The following DLEU7 variants were observed in gnomAD, a reference collection of about 807,000 sequenced individuals.
The protein encoded by DLEU7 is deleted in lymphocytic leukemia 7, also known as leukemia-associated protein 7.
A neutral mutation model predicts 16.0 loss-of-function variants in DLEU7; 17 were observed. The observed-to-expected ratio is 1.06, with a 90% CI of 0.73 to 1.59. The LOEUF (loss-of-function observed/expected upper bound fraction) is 1.59, where lower values mean the gene tolerates loss of function less well. Among genes scored for constraint, DLEU7 ranks in the 40% most tolerant of loss-of-function variants. The probability of loss-of-function intolerance (pLI) is 0.00; values close to 1 mark genes in which losing one functional copy is unlikely to be tolerated. For synonymous variants in DLEU7, 113 were observed against 139.8 expected, an observed-to-expected ratio of 0.81 and a Z score of 1.35; for missense variants, 308 against 314.9, an observed-to-expected ratio of 0.98 and a Z score of 0.17.
intron 1 of DLEU7, among the ~76,000 whole-genome samples, chr13:50,783,237 C>G (rs1875704193): frequency 6.6e-6 from 1 of 152,210 alleles, no homozygotes; most frequent in Admixed American, 6.5e-5. Flanking sequence ...TTTCTCCCTT[C>G]CCTATCTCAC....
exon 2 of DLEU7, chr13:50,713,033 T>A (rs1873340454): frequency 1.6e-6 from 1 of 614,308 alleles, no homozygotes; most frequent in African/African-American, 1.9e-5. Flanking sequence ...TCGGAGGTAA[T>A]AAGAAGTCAG....
At chr13:50,775,769 C>T (rs555739496) in intron 1 of DLEU7, among the ~76,000 whole-genome samples, 30 of 152,278 alleles carry the variant, frequency 2.0e-4, no homozygotes, top group East Asian at 5.8e-4. Flanking sequence ...TGTTTATCTC[C>T]GAATTGTTTG....
chr13:50,749,325 T>C (rs1425568569), intron 1 of DLEU7, among the ~76,000 whole-genome samples: 1 of 152,146 alleles, frequency 6.6e-6, no homozygotes, highest in African/African-American at 2.4e-5. Flanking sequence ...AGTTTCTTTA[T>C]CCACTCTTTG....
chr13:50,749,389 T>C (rs1311902612), intron 1 of DLEU7, among the ~76,000 whole-genome samples: 1 of 152,228 alleles, frequency 6.6e-6, no homozygotes, highest in Non-Finnish European at 1.5e-5. Flanking sequence ...ATTGTGTTGC[T>C]ATAAACATGC....
At chr13:50,811,895 C>T (rs1411744342) in intron 1 of DLEU7, among the ~76,000 whole-genome samples, 1 of 151,676 alleles carries the variant, frequency 6.6e-6, no homozygotes, top group Non-Finnish European at 1.5e-5. Context: ...ATGGCGAAAC[C>T]CCATCTCTAC....
intron 1 of DLEU7, among the ~76,000 whole-genome samples, chr13:50,836,359 A>G (rs879928932): frequency 4.3e-5 from 6 of 138,416 alleles, no homozygotes; most frequent in Middle Eastern, 7.3e-3. Flanking sequence ...AGAGGAGGAG[A>G]AGAAGAAAGA....
At chr13:50,800,565 G>A (rs1876220616) in intron 1 of DLEU7, among the ~76,000 whole-genome samples, 1 of 152,018 alleles carries the variant, frequency 6.6e-6, no homozygotes, top group South Asian at 2.1e-4. Context: ...CTTTGAGGAA[G>A]AACATAAGCA....
chr13:50,840,085 A>G (rs1049287584), intron 1 of DLEU7: 8 of 152,128 alleles, frequency 5.3e-5, no homozygotes, highest in African/African-American at 1.7e-4. Flanking sequence ...TCTTCCTCCT[A>G]CCTTCCGTGG....
chr13:50,755,760 G>T (rs1226951714), intron 1 of DLEU7, among the ~76,000 whole-genome samples: 1 of 151,852 alleles, frequency 6.6e-6, no homozygotes, highest in East Asian at 1.9e-4. Flanking sequence ...TTTGAGGGGG[G>T]GGGCACGGTA....
At chr13:50,779,220 G>A (rs1350799575) in intron 1 of DLEU7, among the ~76,000 whole-genome samples, 1 of 152,044 alleles carries the variant, frequency 6.6e-6, no homozygotes, top group African/African-American at 2.4e-5. Context: ...ATTAAGATTC[G>A]GAATCTCCCC....
At chr13:50,758,200 C>T (rs1403241820) in intron 1 of DLEU7, among the ~76,000 whole-genome samples, 1 of 151,822 alleles carries the variant, frequency 6.6e-6, no homozygotes, top group Admixed American at 6.6e-5. Flanking sequence ...TTGGAGCAAG[C>T]AACATGTTTA....
At chr13:50,835,849 T>C (rs1254624484) in intron 1 of DLEU7, among the ~76,000 whole-genome samples, 1 of 152,234 alleles carries the variant, frequency 6.6e-6, no homozygotes, top group East Asian at 1.9e-4. Flanking sequence ...AAGTTAAGCC[T>C]GTTTTTAAAG....
chr13:50,736,560 C>A (rs918957440), intron 1 of DLEU7, among the ~76,000 whole-genome samples: 2 of 151,294 alleles, frequency 1.3e-5, no homozygotes, highest in African/African-American at 2.4e-5. Context: ...AAAAGCAATC[C>A]CTAGAGAAAA....
chr13:50,716,537 G>A (rs532350473), intron 1 of DLEU7, among the ~76,000 whole-genome samples: 6 of 152,224 alleles, frequency 3.9e-5, no homozygotes, highest in Non-Finnish European at 8.8e-5. Context: ...CACGGAAAGA[G>A]CATTAGACTA....
At chr13:50,732,311 A>T (rs1025178194) in intron 1 of DLEU7, among the ~76,000 whole-genome samples, 17 of 152,070 alleles carry the variant, frequency 1.1e-4, no homozygotes, top group African/African-American at 2.4e-4. Flanking sequence ...ATTGCTTTTT[A>T]AAAAAAGCTC....
chr13:50,758,025 A>ATTTTTTTTTTTTTTT (rs5803530), intron 1 of DLEU7, among the ~76,000 whole-genome samples: 1 of 89,108 alleles, frequency 1.1e-5, no homozygotes, highest in Non-Finnish European at 2.1e-5. Context: ...CATTACCAAG[A>ATTTTTTTTTTTTTTT]TTTTTTTTTT....
intron 1 of DLEU7, among the ~76,000 whole-genome samples, chr13:50,796,902 G>T (rs1876123132): frequency 6.6e-6 from 1 of 152,132 alleles, no homozygotes; most frequent in East Asian, 1.9e-4. Flanking sequence ...ACTGTGTTGT[G>T]AGCAAGAAGT....
chr13:50,804,002 C>T (rs1421062814), intron 1 of DLEU7, among the ~76,000 whole-genome samples: 2 of 152,020 alleles, frequency 1.3e-5, no homozygotes, highest in African/African-American at 4.8e-5. Context: ...TTTGATTCAT[C>T]AGGAAATCAT....
chr13:50,717,519 T>G (rs1873471177), intron 1 of DLEU7, among the ~76,000 whole-genome samples: 2 of 152,126 alleles, frequency 1.3e-5, no homozygotes, highest in Non-Finnish European at 2.9e-5. Context: ...ATTCTGATCT[T>G]CATGCTATTA....
Sources: gnomAD v4.1 joint callset for allele counts (sites outside exome capture counted in the v4.1 genomes callset) on GRCh38, gnomAD v4.1.1 for gene constraint, MANE v1.5 for transcripts, NCBI Gene and HGNC (gene_info 2026-07-23, HGNC 2026-07-21) for gene names.